Variants in SMURF2 observed in about 807,000 individuals in gnomAD.
The protein encoded by SMURF2 is E3 ubiquitin-protein ligase SMURF2.
Under a neutral mutation model 109.6 loss-of-function variants are expected in SMURF2, and 48 were observed. The ratio of observed to expected loss-of-function variants is 0.44; its 90% CI spans 0.35 to 0.56. The LOEUF is 0.56. SMURF2 is among the 20% of genes least tolerant of loss of function. SMURF2 has a pLI of 0.01. For missense variants in SMURF2, 575 were observed against 909.0 expected, an observed-to-expected ratio of 0.63 and a Z score of 4.72; for synonymous variants, 288 against 317.1, an observed-to-expected ratio of 0.91 and a Z score of 0.97.
intron 8 of SMURF2, 137 bp downstream of exon 8, chr17:64,580,652 G>T: frequency 2.4e-6 from 2 of 844,852 alleles, no homozygotes; most frequent in Non-Finnish European, 1.8e-6. Flanking sequence ...ACTTTTCAAA[G>T]TTGGGAGGTT....
intron 7 of SMURF2, 135 bp downstream of exon 7, chr17:64,583,326 C>A: frequency 1.5e-6 from 1 of 664,226 alleles, no homozygotes. Flanking sequence ...ATAACAATGG[C>A]ACCTGTTATA....
chr17:64,590,901 T>TC (rs1400085772), intron 5 of SMURF2, among the ~76,000 whole-genome samples, 183 bp downstream of exon 5: 1 of 151,946 alleles, frequency 6.6e-6, no homozygotes, highest in Non-Finnish European at 1.5e-5. Context: ...TTTTTTTTTT[T>TC]TACATTAAAG....
Position 64,581,023 on chromosome 17 carries a change from C to A in SMURF2, c.570-32G>T, listed in dbSNP as rs782649568. On this transcript the variant is annotated intron_variant, in intron 7 of 18. Transcript: ENST00000262435. This position sits in a 1 kb window ranked among gnomAD's most constrained non-coding sequence, Gnocchi z 4.3. ...AAAATTAACAAGGAAAAGATGTTAT[C>A]AATTTAGATATCAAAAGTAGAGTTC... The A allele has an allele frequency of 1.9e-6, 3 of 1,595,916 alleles. No homozygotes were observed. The highest frequency in any genetic ancestry group is 1.7e-6 in the Non-Finnish European group (2 of 1,163,970).
chr17:64,565,632 G>A (rs559526966), intron 10 of SMURF2, among the ~76,000 whole-genome samples: 1 of 151,606 alleles, frequency 6.6e-6, no homozygotes, highest in South Asian at 2.1e-4. Flanking sequence ...AACCTCCATA[G>A]TCAGACTGGG....
intron 12 of SMURF2, among the ~76,000 whole-genome samples, chr17:64,560,282 A>G (rs1555684418): frequency 6.6e-6 from 1 of 152,158 alleles, no homozygotes. Flanking sequence ...TAGTACTTAG[A>G]TGCCACCAGT....
intron 1 of SMURF2, among the ~76,000 whole-genome samples, chr17:64,622,243 T>C (rs1467338745): frequency 1.3e-5 from 2 of 152,006 alleles, no homozygotes; most frequent in African/African-American, 4.8e-5. Flanking sequence ...ACAGAAAAGT[T>C]ACAAAGTTAG....
At chr17:64,560,432 G>A (rs145712932) in intron 12 of SMURF2, among the ~76,000 whole-genome samples, 126 of 152,146 alleles carry the variant, frequency 8.3e-4, no homozygotes, top group Non-Finnish European at 7.9e-4. Context: ...CTATCCATCC[G>A]TAGGTTTAAA....
At chr17:64,603,108 T>C (rs1310585035) in intron 2 of SMURF2, among the ~76,000 whole-genome samples, 4 of 151,422 alleles carry the variant, frequency 2.6e-5, no homozygotes, top group African/African-American at 9.7e-5. Context: ...TCATTTTCAA[T>C]TGGGCCAAGA....
At chr17:64,586,731 A>G (rs138963704) in intron 5 of SMURF2, among the ~76,000 whole-genome samples, 6,744 of 140,316 alleles carry the variant, frequency 0.048, 259 homozygotes, top group Admixed American at 0.13. Flanking sequence ...AGCCTGGGCG[A>G]TACAGCGAGA....
At chr17:64,652,741 C>A (rs768587197) in intron 1 of SMURF2, among the ~76,000 whole-genome samples, 18 of 152,140 alleles carry the variant, frequency 1.2e-4, no homozygotes, top group Admixed American at 5.9e-4. Context: ...CTGCCTCGGC[C>A]TCCCAAAGAA....
chr17:64,546,095 T>C, intron 18 of SMURF2, 148 bp from the exon 19 acceptor site: 1 of 924,308 alleles, frequency 1.1e-6, no homozygotes, highest in Non-Finnish European at 1.6e-6. Flanking sequence ...CTTTTGGGTT[T>C]TCCTACCAAT....
At chr17:64,586,738 G>A (rs781813509) in intron 5 of SMURF2, among the ~76,000 whole-genome samples, 7 of 115,606 alleles carry the variant, frequency 6.1e-5, no homozygotes, top group Admixed American at 5.7e-4. Flanking sequence ...GCGATACAGC[G>A]AGACTCCGTC....
At chr17:64,647,423 G>A (rs907460422) in intron 1 of SMURF2, among the ~76,000 whole-genome samples, 11 of 152,204 alleles carry the variant, frequency 7.2e-5, no homozygotes, top group Middle Eastern at 3.4e-3. Context: ...GTTCACACCC[G>A]TAATCCCAGC....
chr17:64,573,154 AGG>A (rs1969427704), intron 9 of SMURF2: 1 of 25,192 alleles, frequency 4.0e-5, no homozygotes, highest in African/African-American at 2.0e-4. Context: ...GAGGAGGAGG[AGG>A]AGGAGGGGGA....
rs1343891915 is a variant in SMURF2 at position 64,640,924 on chromosome 17, A to G, written c.52+20905T>C. Among the ~76,000 whole-genome samples, 5 of 151,792 alleles carry G rather than the reference A, an allele frequency of 3.3e-5. No individual in the cohort carries two copies. In the East Asian group the frequency reaches 7.7e-4, roughly 23 times the overall value. Reference sequence around the variant, plus strand: ...CAGAGTGAGACTCCATCTCAAAAAAAAAAAAAGAAAAAAGAAAAAAAAGAA... The same window carrying G: ...CAGAGTGAGACTCCATCTCAAAAAAGAAAAAAGAAAAAAGAAAAAAAAGAA... On this transcript the variant is annotated intron_variant, in intron 1 of 18. Transcript: ENST00000262435.
At chr17:64,600,020 A>G (rs1313882023) in intron 2 of SMURF2, among the ~76,000 whole-genome samples, 1 of 152,216 alleles carries the variant, frequency 6.6e-6, no homozygotes, top group African/African-American at 2.4e-5. Context: ...ATTGAGGTAG[A>G]TAACAGGGAG....
At chr17:64,620,850 G>C (rs1327108490) in intron 1 of SMURF2, among the ~76,000 whole-genome samples, 2 of 152,152 alleles carry the variant, frequency 1.3e-5, no homozygotes, top group African/African-American at 2.4e-5. Context: ...GAAAACCACT[G>C]ACGAGTTATA....
chr17:64,557,108 T>C (rs901578705), intron 13 of SMURF2, among the ~76,000 whole-genome samples: 7 of 152,200 alleles, frequency 4.6e-5, no homozygotes, highest in African/African-American at 7.2e-5. Flanking sequence ...ATGTAGTTGA[T>C]AGAGTTGTAG....
chr17:64,659,799 T>C (rs1334008311), intron 1 of SMURF2, among the ~76,000 whole-genome samples: 1 of 151,986 alleles, frequency 6.6e-6, no homozygotes, highest in Admixed American at 6.6e-5. Context: ...GAAGAAAAAA[T>C]ATGTTAACTT....
Sources: allele counts gnomAD v4.1 joint callset (sites outside exome capture counted in the v4.1 genomes callset), GRCh38; gene constraint gnomAD v4.1.1; non-coding constraint Gnocchi (gnomAD v3.1); transcripts MANE v1.5; gene names NCBI Gene and HGNC (gene_info 2026-07-23, HGNC 2026-07-21).